The following CASP6 variants were observed in gnomAD, a reference collection of about 807,000 sequenced individuals.
CASP6 encodes the protein caspase 6.
In CASP6, 20 loss-of-function variants were observed where a neutral mutation model predicts 31.8. The observed-to-expected ratio is 0.63, with a 90% CI of 0.44 to 0.91. The LOEUF is 0.91. Ranked by LOEUF, CASP6 falls within the 40% of genes least tolerant of loss-of-function variation. The pLI is 0.00. For synonymous variants in CASP6, 130 were observed against 127.8 expected (o/e 1.02, Z -0.12); for missense variants, 328 against 361.1 (o/e 0.91, Z 0.74).
chr4:109,668,088 T>A, the CASP6 span, among the ~76,000 whole-genome samples: 1 of 152,144 alleles, frequency 6.6e-6, no homozygotes, highest in Non-Finnish European at 1.5e-5. Flanking sequence ...ATGTTCCCTG[T>A]GAACTTGAGA....
chr4:109,679,860 G>A, the CASP6 span, among the ~76,000 whole-genome samples: 1 of 152,112 alleles, frequency 6.6e-6, no homozygotes, highest in African/African-American at 2.4e-5. Context: ...GGAGTGCAGT[G>A]GTGCAATCTC....
At position 109,694,766 on chromosome 4, in the gene CASP6, TCA is replaced by T. The variant is rs1170796000; in HGVS notation, c.308-68_308-67del. 4 of 1,382,864 alleles carry T rather than the reference TCA, an allele frequency of 2.9e-6. No homozygotes were observed. The East Asian group carries it at 7.7e-5, about 27-fold the overall frequency. The allele number at this position is 1,382,864 out of a possible 1,614,324, so 85.7% of individuals were successfully genotyped here. ...ATGCTTGTTATCTACACATAAAAAT[TCA>T]GTTTATTAACACAAGAATAAAGTTA... On this transcript the variant is annotated intron_variant, in intron 4 of 6. Transcript: ENST00000265164.
rs1200527651 is a variant in CASP6 at position 109,694,044 on chromosome 4, T to C, written c.483+481A>G. Among the ~76,000 whole-genome samples, 3 of 152,208 alleles carry C rather than the reference T, an allele frequency of 2.0e-5. 1 individual carries two copies. The highest frequency in any genetic ancestry group is 4.4e-5 in the Non-Finnish European group (3 of 68,042). On this transcript the variant is annotated intron_variant, in intron 5 of 6. Coordinates refer to ENST00000265164, the MANE Select transcript of CASP6 (RefSeq NM_001226.4). ...CCATCACGCCTGTAAAAAATACTTT[T>C]ATCCCTAAAACCAATTTGGCAGCGG... is the stretch of plus-strand genomic sequence containing the variant.
upstream of CASP6, among the ~76,000 whole-genome samples, chr4:109,706,171 A>ATATATATATATACC (rs1730615030): frequency 1.0e-5 from 1 of 96,970 alleles, no homozygotes; most frequent in Non-Finnish European, 1.9e-5. Context: ...ATATATATAT[A>ATATATATATATACC]CACACACACA....
At chr4:109,696,948 G>T (rs997738838) in intron 3 of CASP6, among the ~76,000 whole-genome samples, 3 of 152,074 alleles carry the variant, frequency 2.0e-5, no homozygotes, top group Non-Finnish European at 4.4e-5. Flanking sequence ...ACCACGCCCG[G>T]CTAATTTTTT....
chr4:109,678,041 G>A, the CASP6 span, among the ~76,000 whole-genome samples: 2 of 151,738 alleles, frequency 1.3e-5, no homozygotes, highest in African/African-American at 4.8e-5. Flanking sequence ...GCTGCCTTCA[G>A]GCATCTGTTT....
upstream of CASP6, among the ~76,000 whole-genome samples, chr4:109,704,451 T>C (rs1443848649): frequency 6.6e-6 from 1 of 152,172 alleles, no homozygotes; most frequent in Non-Finnish European, 1.5e-5. Context: ...GGATAGAAGA[T>C]AAAAACAGCC....
At chr4:109,700,599 TTTG>T (rs757228300) in intron 1 of CASP6, among the ~76,000 whole-genome samples, 15 of 152,152 alleles carry the variant, frequency 9.9e-5, no homozygotes, top group Non-Finnish European at 1.3e-4. Flanking sequence ...TTTTAAGTTT[TTTG>T]TTGTTGTTGT....
downstream of CASP6, chr4:109,684,355 C>T: frequency 9.2e-7 from 1 of 1,084,812 alleles, no homozygotes; most frequent in Non-Finnish European, 1.3e-6. Flanking sequence ...AGCCACCGCG[C>T]CCGGCAAGAG....
intron 4 of CASP6, 52 bp downstream of exon 4, chr4:109,696,356 AAG>A: frequency 7.8e-7 from 1 of 1,275,446 alleles, no homozygotes; most frequent in Non-Finnish European, 1.1e-6. Flanking sequence ...AGATAGGATA[AAG>A]GACTCGGTTT....
chr4:109,697,509 C>T, intron 3 of CASP6, 113 bp downstream of exon 3: 10 of 1,219,262 alleles, frequency 8.2e-6, no homozygotes, highest in African/African-American at 1.5e-5. Context: ...TTAAGTGATC[C>T]TCCCACCTTG....
intron 1 of CASP6, among the ~76,000 whole-genome samples, chr4:109,703,082 G>A (rs1363826879): frequency 2.0e-5 from 3 of 152,162 alleles, no homozygotes; most frequent in Non-Finnish European, 2.9e-5. Context: ...GGACAAAGGC[G>A]GCAGGGGCAC....
the CASP6 span, among the ~76,000 whole-genome samples, chr4:109,673,154 C>T: frequency 1.3e-5 from 2 of 152,112 alleles, no homozygotes; most frequent in Admixed American, 1.3e-4. Flanking sequence ...AAGAGGAAAT[C>T]CCTGTTAAGA....
chr4:109,678,803 G>A, the CASP6 span, among the ~76,000 whole-genome samples: 1,256 of 133,662 alleles, frequency 9.4e-3, 15 homozygotes, highest in African/African-American at 0.034. Context: ...GGGCAGAGGC[G>A]CTCCTCAATT....
At chr4:109,689,595 C>T (rs373444977) in intron 6 of CASP6, 27 bp from the exon 7 acceptor site, 14 of 1,593,446 alleles carry the variant, frequency 8.8e-6, no homozygotes, top group Non-Finnish European at 4.3e-6. Flanking sequence ...GAAAATGTTG[C>T]TGCAGTTTTC....
Position 109,691,090 on chromosome 4 carries a change from C to G in CASP6, c.484-81G>C, listed in dbSNP as rs955028466. The stretch of plus-strand genomic sequence containing the variant: ...TTAATGTGTGCAGTGAATGTGTAAG[C>G]CAGTACCCCTTCATTACAACAGAAA... On this transcript the variant is annotated intron_variant, in intron 5 of 6. Coordinates refer to ENST00000265164, the MANE Select transcript of CASP6 (RefSeq NM_001226.4). The G allele has an allele frequency of 1.6e-5, 23 of 1,400,384 alleles. No homozygotes were observed. The African/African-American group carries it at 3.1e-4, about 19-fold the overall frequency. The allele number at this position is 1,400,384 out of a possible 1,614,324, so 86.7% of individuals were successfully genotyped here.
At chr4:109,689,644 AAG>A in intron 6 of CASP6, 76 bp from the exon 7 acceptor site, 1 of 1,314,376 alleles carries the variant, frequency 7.6e-7, no homozygotes, top group Non-Finnish European at 1.1e-6. Context: ...TTAGTTACAG[AAG>A]TATAAGTTCT....
chr4:109,664,587 G>T, the CASP6 span, among the ~76,000 whole-genome samples: 2 of 152,012 alleles, frequency 1.3e-5, no homozygotes, highest in African/African-American at 4.8e-5. Flanking sequence ...ACCATGCCTG[G>T]CTAATTTTTT....
chr4:109,685,260 T>TA, downstream of CASP6: 1 of 1,365,232 alleles, frequency 7.3e-7, no homozygotes, highest in Non-Finnish European at 1.0e-6. Context: ...GGATTATACT[T>TA]ACTCAGCTGT....
Sources: allele counts gnomAD v4.1 joint callset (sites outside exome capture counted in the v4.1 genomes callset), GRCh38; gene constraint gnomAD v4.1.1; transcripts MANE v1.5; gene names NCBI Gene and HGNC (gene_info 2026-07-23, HGNC 2026-07-21).